The following CENPW variants were observed in gnomAD, a reference collection of about 807,000 sequenced individuals.
CENPW encodes cancer-up-regulated gene 2 protein.
A neutral mutation model predicts 11.1 loss-of-function variants in CENPW; 3 were observed. That is an observed-to-expected ratio of 0.27 (90% CI 0.12 to 0.70). The LOEUF is 0.70. Ranked by LOEUF, CENPW falls within the 30% of genes least tolerant of loss-of-function variation. CENPW has a pLI of 0.77. For synonymous variants in CENPW, 38 were observed against 42.0 expected, an observed-to-expected ratio of 0.91 and a Z score of 0.37; for missense variants, 100 against 105.6, an observed-to-expected ratio of 0.95 and a Z score of 0.23.
the CENPW span, among the ~76,000 whole-genome samples, chr6:126,392,769 G>A: frequency 6.6e-6 from 1 of 151,874 alleles, no homozygotes; most frequent in African/African-American, 2.4e-5. Flanking sequence ...TTTCTCATGT[G>A]TCTTGGTCTG....
chr6:126,461,144 T>C, the CENPW span, among the ~76,000 whole-genome samples: 1 of 151,804 alleles, frequency 6.6e-6, no homozygotes, highest in Non-Finnish European at 1.5e-5. Context: ...TTACCACGTG[T>C]TGTGGGAGGG....
At chr6:126,471,161 G>A in the CENPW span, among the ~76,000 whole-genome samples, 7 of 152,162 alleles carry the variant, frequency 4.6e-5, no homozygotes, top group Middle Eastern at 3.2e-3. Context: ...ATCTTGAATT[G>A]TAATCCCATG....
the CENPW span, among the ~76,000 whole-genome samples, chr6:126,429,481 C>G: frequency 6.6e-6 from 1 of 151,978 alleles, no homozygotes; most frequent in Non-Finnish European, 1.5e-5. Context: ...GCACCTCCCC[C>G]CAACTCTCTC....
At chr6:126,397,198 G>A in the CENPW span, among the ~76,000 whole-genome samples, 77 of 152,200 alleles carry the variant, frequency 5.1e-4, no homozygotes, top group African/African-American at 1.7e-3. Flanking sequence ...TTAGCCCATG[G>A]TGGCAAGGCT....
chr6:126,455,491 T>G, the CENPW span, among the ~76,000 whole-genome samples: 4 of 151,368 alleles, frequency 2.6e-5, 1 homozygote, highest in South Asian at 8.3e-4. Flanking sequence ...TCAATAGACA[T>G]AGAAAAGGCT....
the CENPW span, among the ~76,000 whole-genome samples, chr6:126,474,178 C>T: frequency 5.3e-5 from 8 of 151,634 alleles, no homozygotes; most frequent in East Asian, 1.9e-4. Flanking sequence ...TTATACTCAG[C>T]GGTGAAAAAC....
At chr6:126,479,565 G>A in the CENPW span, among the ~76,000 whole-genome samples, 1 of 151,942 alleles carries the variant, frequency 6.6e-6, no homozygotes. Context: ...TCTTTTTCCT[G>A]AATATTCTTC....
chr6:126,465,042 G>A, the CENPW span, among the ~76,000 whole-genome samples: 3 of 151,872 alleles, frequency 2.0e-5, no homozygotes, highest in Non-Finnish European at 4.4e-5. Flanking sequence ...AAAACAAAAG[G>A]CATCCAGACT....
chr6:126,449,555 G>A, the CENPW span, among the ~76,000 whole-genome samples: 1 of 151,206 alleles, frequency 6.6e-6, no homozygotes, highest in South Asian at 2.1e-4. Flanking sequence ...GAAGCTACTT[G>A]ACTGCTGTGA....
At chr6:126,345,484 A>G (rs943950501) in intron 1 of CENPW, among the ~76,000 whole-genome samples, 6 of 152,074 alleles carry the variant, frequency 3.9e-5, no homozygotes, top group African/African-American at 1.4e-4. Flanking sequence ...AAAAGGTGCA[A>G]AAATAGTACA....
At chr6:126,356,837 T>G in the CENPW span, among the ~76,000 whole-genome samples, 1 of 152,210 alleles carries the variant, frequency 6.6e-6, no homozygotes, top group Admixed American at 6.5e-5. Flanking sequence ...ATTAAACCTT[T>G]GTTAGATGTG....
chr6:126,373,850 G>A, the CENPW span, among the ~76,000 whole-genome samples: 1 of 152,170 alleles, frequency 6.6e-6, no homozygotes, highest in Admixed American at 6.5e-5. Context: ...TTTGGGGAGT[G>A]GGATAGAATA....
chr6:126,416,347 C>T, the CENPW span, among the ~76,000 whole-genome samples: 16 of 152,032 alleles, frequency 1.1e-4, no homozygotes, highest in Non-Finnish European at 1.0e-4. Flanking sequence ...AAGCAGAGCA[C>T]AAAAGTTTGG....
the CENPW span, among the ~76,000 whole-genome samples, chr6:126,399,233 C>T: frequency 6.6e-6 from 1 of 152,028 alleles, no homozygotes; most frequent in African/African-American, 2.4e-5. Flanking sequence ...CTTCAAACTG[C>T]TTTCCATAGT....
At chr6:126,451,685 C>A in the CENPW span, among the ~76,000 whole-genome samples, 17 of 151,124 alleles carry the variant, frequency 1.1e-4, no homozygotes, top group Admixed American at 1.1e-3. Context: ...GGGATAAACA[C>A]CCTCCTCCCC....
the CENPW span, among the ~76,000 whole-genome samples, chr6:126,365,199 G>A: frequency 6.6e-6 from 1 of 152,016 alleles, no homozygotes; most frequent in African/African-American, 2.4e-5. Flanking sequence ...TGGGAGTCAG[G>A]GATATAATTA....
At chr6:126,401,906 A>G in the CENPW span, among the ~76,000 whole-genome samples, 1 of 152,020 alleles carries the variant, frequency 6.6e-6, no homozygotes, top group Admixed American at 6.6e-5. Context: ...CTTTACTCTT[A>G]GCAATTCATT....
At chr6:126,447,249 C>T in the CENPW span, among the ~76,000 whole-genome samples, 1 of 151,116 alleles carries the variant, frequency 6.6e-6, no homozygotes. Flanking sequence ...TGTCTTCAGA[C>T]CTTAATTTGA....
the CENPW span, among the ~76,000 whole-genome samples, chr6:126,479,708 T>C: frequency 6.6e-6 from 1 of 152,024 alleles, no homozygotes; most frequent in Non-Finnish European, 1.5e-5. Context: ...CTTTAATTTC[T>C]CTCAGTTTTT....
Sources: gnomAD v4.1 joint callset for allele counts (sites outside exome capture counted in the v4.1 genomes callset) on GRCh38, gnomAD v4.1.1 for gene constraint, MANE v1.5 for transcripts, NCBI Gene and HGNC (gene_info 2026-07-23, HGNC 2026-07-21) for gene names.